Variants in CELSR1 observed in about 807,000 individuals in gnomAD.
The protein encoded by CELSR1 is adhesion G protein-coupled receptor C1.
In CELSR1, 110 loss-of-function variants were observed where a neutral mutation model predicts 249.1. That is an observed-to-expected ratio of 0.44 (90% CI 0.38 to 0.52). The LOEUF (loss-of-function observed/expected upper bound fraction) is 0.52, where lower values mean the gene tolerates loss of function less well. Among genes scored for constraint, CELSR1 ranks in the 20% least tolerant of loss-of-function variants. CELSR1 has a pLI of 0.00. For synonymous variants in CELSR1, 2,113 were observed against 1,900.0 expected, an observed-to-expected ratio of 1.11 and a Z score of -2.92; for missense variants, 4,109 against 4,296.4, an observed-to-expected ratio of 0.96 and a Z score of 1.22.
intron 24 of CELSR1, among the ~76,000 whole-genome samples, chr22:46,376,739 G>A (rs1480249063): frequency 6.6e-6 from 1 of 151,736 alleles, no homozygotes; most frequent in Non-Finnish European, 1.5e-5. Flanking sequence ...CCTGGGAGGT[G>A]GAAGTTGCAG....
chr22:46,373,489 G>T (rs941655260), intron 24 of CELSR1, among the ~76,000 whole-genome samples: 4 of 148,580 alleles, frequency 2.7e-5, no homozygotes, highest in Admixed American at 6.7e-5. Flanking sequence ...CTCTGGGGTG[G>T]GGGGGGCAGC....
In CELSR1 at chr22:46,381,938, G is replaced by A. The variant is rs372431933; in HGVS notation, c.6996C>T (p.Asp2332=). The A allele has an allele frequency of 5.2e-5, 81 of 1,567,780 alleles. No homozygotes were observed. The highest frequency in any genetic ancestry group is 6.8e-5 in the African/African-American group (5 of 73,832). ...PISRRRRHPD[D]AGQFAVALVI... ...CCAGAGCGACGGCGAACTGGCCAGC[G>A]TCATCAGGGTGTCGCCTCCGCCTGC... is the stretch of plus-strand genomic sequence containing the variant. The change falls in exon 21 of 35, where the codon GAC becomes GAT. Residue 2332 remains aspartate (D), a synonymous_variant. Coordinates refer to ENST00000674500, the MANE Select transcript of CELSR1 (RefSeq NM_001378328.1). The surrounding 1 kb of genome is among the most constrained non-coding windows in gnomAD (Gnocchi z 6.0).
At chr22:46,481,520 A>G in intron 1 of CELSR1, 1 of 1,428,168 alleles carries the variant, frequency 7.0e-7, no homozygotes, top group East Asian at 2.3e-5. Flanking sequence ...TGGTCCTGGA[A>G]CTTCTCCAGC....
In CELSR1 at chr22:46,484,538, G is replaced by C. The variant is rs1490188548; in HGVS notation, c.3545-20193C>G. Among the ~76,000 whole-genome samples the C allele has an allele frequency of 6.6e-6, 1 of 151,158 alleles. No homozygotes were observed. The highest frequency in any genetic ancestry group is 1.5e-5 in the Non-Finnish European group (1 of 67,892). Reference sequence around the variant, plus strand: ...TATATTAAGCCACTGACCCCTGATAGGGTTAGTGCCTCAAGTTAGAGCTGG... The same window carrying C: ...TATATTAAGCCACTGACCCCTGATACGGTTAGTGCCTCAAGTTAGAGCTGG... On this transcript the variant is annotated intron_variant, in intron 1 of 34. Transcript: ENST00000674500. This position sits in a 1 kb window ranked among gnomAD's most constrained non-coding sequence, Gnocchi z 4.5.
rs1329336272 is a variant in CELSR1, at chr22:46,434,226, G to A, written c.4523-745C>T. On this transcript the variant is annotated intron_variant, in intron 4 of 34. Transcript: ENST00000674500. This position sits in a 1 kb window ranked among gnomAD's most constrained non-coding sequence, Gnocchi z 4.9. ...TCGTGAGGTCGCGGACGCGTCTCTT[G>A]TGCATCTCTGCTTTGGGGTGTCTGT... Among the ~76,000 whole-genome samples the A allele has an allele frequency of 9.9e-5, 15 of 152,246 alleles. No homozygotes were observed. Among genetic ancestry groups the A allele is most frequent in the Admixed American group, 9.8e-4 (15 of 15,282 alleles).
Position 46,406,033 on chromosome 22 carries a change from T to A in CELSR1, c.5226+2963A>T, listed in dbSNP as rs762348664. On this transcript the variant is annotated intron_variant, in intron 9 of 34. Coordinates refer to ENST00000674500, the MANE Select transcript of CELSR1 (RefSeq NM_001378328.1). This position sits in a 1 kb window ranked among gnomAD's most constrained non-coding sequence, Gnocchi z 5.4. ...GTAGTCCCTGGCAAAATTCCTAATCTGGGGATGAGCCCTCCATGATGTAAT... is the reference window on the plus strand; with the variant it reads ...GTAGTCCCTGGCAAAATTCCTAATCAGGGGATGAGCCCTCCATGATGTAAT... Among the ~76,000 whole-genome samples, 1 of 152,114 alleles carries A rather than the reference T, an allele frequency of 6.6e-6. No homozygotes were observed.
chr22:46,507,928 G>A lies in CELSR1; in HGVS notation c.3544+25699C>T, dbSNP rs73178880. On this transcript the variant is annotated intron_variant, in intron 1 of 34. Transcript: ENST00000674500. ...CACCCCCCTACCTCCCACCTCAGCC[G>A]TCCTGTGCCGTGGCCACCCATCTGG... is the stretch of plus-strand genomic sequence containing the variant. Among the ~76,000 whole-genome samples, 51 of 152,238 alleles carry A rather than the reference G, an allele frequency of 3.4e-4. 1 individual carries two copies. The Middle Eastern group carries it at 0.017, about 51-fold the overall frequency.
Position 46,437,484 on chromosome 22 carries a change from G to A in CELSR1, c.4407-1195C>T, listed in dbSNP as rs570883795. Among the ~76,000 whole-genome samples the A allele has an allele frequency of 2.0e-5, 3 of 152,330 alleles. No individual in the cohort carries two copies. Among genetic ancestry groups the A allele is most frequent in the East Asian group, 1.9e-4 (1 of 5,188 alleles). Reference sequence around the variant, plus strand: ...TTAAAATTGATGGTTTCGGCTGGCCGGTGGCTCACGCCTGTAATCCCAGCA... The same window carrying A: ...TTAAAATTGATGGTTTCGGCTGGCCAGTGGCTCACGCCTGTAATCCCAGCA... On this transcript the variant is annotated intron_variant, in intron 3 of 34. Transcript: ENST00000674500. This position sits in a 1 kb window ranked among gnomAD's most constrained non-coding sequence, Gnocchi z 4.9.
At chr22:46,416,418 C>T (rs113851071) in intron 5 of CELSR1, among the ~76,000 whole-genome samples, 219 of 152,302 alleles carry the variant, frequency 1.4e-3, no homozygotes, top group African/African-American at 4.0e-3. Flanking sequence ...GCAGGAAAGG[C>T]AATTCCCAGG....
chr22:46,529,592 CA>C (rs2080772004), intron 1 of CELSR1, among the ~76,000 whole-genome samples: 2 of 151,890 alleles, frequency 1.3e-5, no homozygotes, highest in South Asian at 4.2e-4. Context: ...CACTTGAGGT[CA>C]GGAGTTCGAG....
chr22:46,408,712 C>G lies in CELSR1; in HGVS notation c.5226+284G>C, dbSNP rs1439590628. ...CGGCACCTCCCTCAGTTCTGCAATGCCCACGCTCCAGCCAAACCCTCAGGC... is the reference window on the plus strand; with the variant it reads ...CGGCACCTCCCTCAGTTCTGCAATGGCCACGCTCCAGCCAAACCCTCAGGC... On this transcript the variant is annotated intron_variant, in intron 9 of 34. Coordinates refer to ENST00000674500, the MANE Select transcript of CELSR1 (RefSeq NM_001378328.1). The surrounding 1 kb of genome is among the most constrained non-coding windows in gnomAD (Gnocchi z 4.6). Among the ~76,000 whole-genome samples the G allele has an allele frequency of 6.6e-6, 1 of 152,214 alleles. No individual in the cohort carries two copies. Among genetic ancestry groups the G allele is most frequent in the African/African-American group, 2.4e-5 (1 of 41,450 alleles).
intron 18 of CELSR1, among the ~76,000 whole-genome samples, chr22:46,388,510 C>T (rs564313396): frequency 6.6e-6 from 1 of 152,170 alleles, no homozygotes; most frequent in African/African-American, 2.4e-5. Context: ...CTAGAAGGTT[C>T]CATGGGGGCC....
rs565392376 is a variant in CELSR1 at position 46,412,349 on chromosome 22, A to T, written c.4612-590T>A. On this transcript the variant is annotated intron_variant, in intron 5 of 34. Coordinates refer to ENST00000674500, the MANE Select transcript of CELSR1 (RefSeq NM_001378328.1). This position sits in a 1 kb window ranked among gnomAD's most constrained non-coding sequence, Gnocchi z 4.5. ...CCCAGGAAATGAAGTTGCAGCCAAC[A>T]CCCAAGTCCTGGGGCCCCTCCTGTG... 1.3e-4 allele frequency among the ~76,000 whole-genome samples: 20 copies of T among 152,174 alleles called. No individual in the cohort carries two copies. Among genetic ancestry groups the T allele is most frequent in the African/African-American group, 4.6e-4 (19 of 41,516 alleles).
At position 46,533,920 on chromosome 22, in the gene CELSR1, C is replaced by T. The variant is rs758201736; in HGVS notation, c.3251G>A (p.Arg1084Gln). 1.9e-6 allele frequency: 3 copies of T among 1,613,130 alleles called. No homozygotes were observed. Among genetic ancestry groups the T allele is most frequent in the East Asian group, 2.2e-5 (1 of 44,884 alleles). ...CACGAGAAGGATGTGCACCGTGGCT[C>T]GGCTCACCAGCGGAGCCGACGTGGC... The part of the protein sequence containing the change: ...VQATSAPLVS[R>Q]ATVHILLVDQ... Residue 1084 changes from arginine (R) to glutamine (Q), a missense_variant, in exon 1 of 35, where the codon CGA becomes CAA. By Grantham distance (43) the Arg-to-Gln change is conservative. This residue lies in a region of CELSR1 where 886 missense variants were observed against 896.5 expected (regional missense o/e 0.99). Transcript: ENST00000674500.
intron 2 of CELSR1, among the ~76,000 whole-genome samples, chr22:46,453,480 C>T (rs1036183656): frequency 6.6e-6 from 1 of 152,170 alleles, no homozygotes; most frequent in Non-Finnish European, 1.5e-5. Context: ...CTCATTAATA[C>T]AAAGTCTACC....
intron 2 of CELSR1, among the ~76,000 whole-genome samples, chr22:46,456,562 C>A (rs1703784630): frequency 6.8e-6 from 1 of 146,700 alleles, no homozygotes; most frequent in African/African-American, 2.5e-5. Context: ...ACTCGGGAGG[C>A]TGAGGCAGGA....
chr22:46,528,710 C>T (rs1265167350), intron 1 of CELSR1, among the ~76,000 whole-genome samples: 7 of 151,498 alleles, frequency 4.6e-5, no homozygotes, highest in Admixed American at 2.0e-4. Context: ...GGGCGGATCA[C>T]GAGGTCAGGA....
chr22:46,394,305 G>A (rs773561958), intron 13 of CELSR1, 43 bp from the exon 14 acceptor site: 2 of 1,586,370 alleles, frequency 1.3e-6, no homozygotes, highest in Admixed American at 1.7e-5. Flanking sequence ...TTATGTAACT[G>A]TGCTTTCTGG....
At chr22:46,467,517 A>G (rs1373540376) in intron 1 of CELSR1, among the ~76,000 whole-genome samples, 1 of 152,004 alleles carries the variant, frequency 6.6e-6, no homozygotes, top group African/African-American at 2.4e-5. Flanking sequence ...TTATATATAT[A>G]TATATATAGA....
Sources: gnomAD v4.1 joint callset for allele counts (sites outside exome capture counted in the v4.1 genomes callset) on GRCh38, gnomAD v4.1.1 for gene constraint, gnomAD v4.1.1 regional missense constraint, Gnocchi (gnomAD v3.1) non-coding constraint, MANE v1.5 for transcripts, NCBI Gene and HGNC (gene_info 2026-07-23, HGNC 2026-07-21) for gene names.